MATN2: variants seen among roughly 807,000 people sequenced by gnomAD.
The protein encoded by MATN2 is matrilin 2.
Under a neutral mutation model 103.2 loss-of-function variants are expected in MATN2, and 69 were observed. The ratio of observed to expected loss-of-function variants is 0.67; its 90% CI spans 0.55 to 0.82. The LOEUF (loss-of-function observed/expected upper bound fraction) is 0.82, where lower values mean the gene tolerates loss of function less well. Ranked by LOEUF, MATN2 falls within the 40% of genes least tolerant of loss-of-function variation. MATN2 has a pLI of 0.00. For synonymous variants in MATN2, 429 were observed against 450.2 expected, an observed-to-expected ratio of 0.95 and a Z score of 0.60; for missense variants, 1,023 against 1,211.5, an observed-to-expected ratio of 0.84 and a Z score of 2.31.
At chr8:97,970,832 TC>T in intron 5 of MATN2, among the ~76,000 whole-genome samples, 1 of 152,208 alleles carries the variant, frequency 6.6e-6, no homozygotes, top group South Asian at 2.1e-4. Flanking sequence ...ACACCTGTAG[TC>T]CCAGCTACTC....
intron 2 of MATN2, among the ~76,000 whole-genome samples, chr8:97,907,312 CT>C (rs10557023): frequency 0.53 from 62,487 of 117,200 alleles, 16,039 homozygotes; most frequent in East Asian, 0.74. Flanking sequence ...TCATAGCTCA[CT>C]TTTTTTTTTT....
At chr8:97,952,849 C>G (rs375310227) in intron 4 of MATN2, among the ~76,000 whole-genome samples, 1 of 151,080 alleles carries the variant, frequency 6.6e-6, no homozygotes, top group Non-Finnish European at 1.5e-5. Context: ...TAGCATAGAA[C>G]TCAAAAACCA....
intron 7 of MATN2, among the ~76,000 whole-genome samples, chr8:97,998,408 A>G (rs570558255): frequency 2.7e-5 from 4 of 148,246 alleles, no homozygotes; most frequent in Non-Finnish European, 4.5e-5. Flanking sequence ...TGTAGTCCCA[A>G]CTGCTCAGGA....
intron 2 of MATN2, among the ~76,000 whole-genome samples, chr8:97,912,087 C>T (rs1344791262): frequency 6.6e-6 from 1 of 152,186 alleles, no homozygotes; most frequent in Non-Finnish European, 1.5e-5. Context: ...GGCTGCTGCC[C>T]CGTTACACTG....
At chr8:97,912,132 T>A (rs530511395) in intron 2 of MATN2, among the ~76,000 whole-genome samples, 1 of 152,356 alleles carries the variant, frequency 6.6e-6, no homozygotes, top group Non-Finnish European at 1.5e-5. Context: ...AACAGGGAAA[T>A]TGAATCCAGT....
At chr8:97,956,885 G>C (rs1811162363) in intron 4 of MATN2, among the ~76,000 whole-genome samples, 1 of 152,202 alleles carries the variant, frequency 6.6e-6, no homozygotes, top group Non-Finnish European at 1.5e-5. Context: ...GGACTTTAGG[G>C]CCATTCCTCC....
chr8:98,009,791 TTCCCTCTCTAG>T (rs1293546342), intron 10 of MATN2, among the ~76,000 whole-genome samples: 3 of 152,274 alleles, frequency 2.0e-5, no homozygotes, highest in Admixed American at 2.0e-4. Context: ...CGCAGACTCC[TTCCCTCTCTAG>T]ACGTTTCCCT....
At chr8:98,033,740 C>A in intron 18 of MATN2, 81 bp downstream of exon 18, 1 of 960,186 alleles carries the variant, frequency 1.0e-6, no homozygotes, top group Non-Finnish European at 1.6e-6. Flanking sequence ...TAGGTTTTAT[C>A]AACTGAAGTA....
chr8:98,017,407 A>G (rs1813401479), intron 11 of MATN2, among the ~76,000 whole-genome samples: 3 of 152,334 alleles, frequency 2.0e-5, no homozygotes, highest in South Asian at 2.1e-4. Flanking sequence ...ATCTCAAGAC[A>G]CATCTCTGAA....
intron 2 of MATN2, among the ~76,000 whole-genome samples, chr8:97,901,794 ACT>A (rs1260375882): frequency 6.6e-6 from 1 of 151,988 alleles, no homozygotes; most frequent in Admixed American, 6.6e-5. Context: ...GAGATGGAAA[ACT>A]CACTCATAAA....
At chr8:97,875,227 T>C (rs1382734441) in intron 1 of MATN2, among the ~76,000 whole-genome samples, 1 of 152,202 alleles carries the variant, frequency 6.6e-6, no homozygotes, top group East Asian at 1.9e-4. Context: ...TTCCAAATAG[T>C]GTCCGCCTGG....
chr8:98,006,131 G>C (rs1023304718), intron 8 of MATN2, among the ~76,000 whole-genome samples: 1 of 152,184 alleles, frequency 6.6e-6, no homozygotes, highest in Admixed American at 6.5e-5. Flanking sequence ...ATTAGCCTTC[G>C]GCACTTGCTG....
chr8:97,903,275 G>A (rs1290126764), intron 2 of MATN2, among the ~76,000 whole-genome samples: 1 of 151,720 alleles, frequency 6.6e-6, no homozygotes, highest in Admixed American at 6.6e-5. Context: ...TCGTGGCATA[G>A]GAACACTATA....
intron 6 of MATN2, among the ~76,000 whole-genome samples, chr8:97,994,162 GAA>G (rs1323380823): frequency 1.5e-5 from 2 of 133,508 alleles, no homozygotes; most frequent in Non-Finnish European, 3.1e-5. Context: ...AGAAAGAAAA[GAA>G]AAGAGGGAAA....
intron 5 of MATN2, among the ~76,000 whole-genome samples, chr8:97,967,054 G>A (rs1811506202): frequency 6.6e-6 from 1 of 152,066 alleles, no homozygotes; most frequent in South Asian, 2.1e-4. Flanking sequence ...GGAGCAAGAG[G>A]TAGGGGGAGG....
intron 1 of MATN2, among the ~76,000 whole-genome samples, chr8:97,873,260 G>T (rs941420306): frequency 5.9e-5 from 9 of 151,850 alleles, no homozygotes; most frequent in Non-Finnish European, 7.4e-5. Flanking sequence ...TAGAGAAAAT[G>T]ATCTAAATCA....
intron 10 of MATN2, 124 bp from the exon 11 acceptor site, chr8:98,016,414 ATG>A: frequency 3.7e-6 from 3 of 807,128 alleles, no homozygotes; most frequent in Non-Finnish European, 5.9e-6. Flanking sequence ...ATATTCTGAA[ATG>A]TGTACTGTAG....
At position 97,923,535 on chromosome 8, in the gene MATN2, T is replaced by TTCTC. The variant is rs35773325; in HGVS notation, c.143-7398_143-7395dup. Among the ~76,000 whole-genome samples, 747 of 148,550 alleles carry TTCTC rather than the reference T, an allele frequency of 5.0e-3. 3 individuals carry two copies. The highest frequency in any genetic ancestry group is 0.011 in the East Asian group (57 of 5,018). On this transcript the variant is annotated intron_variant, in intron 2 of 18. Coordinates refer to ENST00000254898, the MANE Select transcript of MATN2 (RefSeq NM_002380.5). ...CTTCCACCAGATCTCAGCCACTCAC[T>TTCTC]TCTCTCTCTCTCTCTCTCTCTCTGT...
At chr8:97,918,168 G>C (rs1334366107) in intron 2 of MATN2, among the ~76,000 whole-genome samples, 1 of 152,214 alleles carries the variant, frequency 6.6e-6, no homozygotes, top group Non-Finnish European at 1.5e-5. Context: ...CGTTCAGTGT[G>C]ATCTGGAGTT....
Sources: gnomAD v4.1 joint callset for allele counts (sites outside exome capture counted in the v4.1 genomes callset) on GRCh38, gnomAD v4.1.1 for gene constraint, MANE v1.5 for transcripts, NCBI Gene and HGNC (gene_info 2026-07-23, HGNC 2026-07-21) for gene names.